IQANK1: variants seen among roughly 807,000 people sequenced by gnomAD.
IQANK1 encodes IQ motif and ankyrin repeat domain-containing protein 1.
Under a neutral mutation model 22.6 loss-of-function variants are expected in IQANK1, and 30 were observed. That is an observed-to-expected ratio of 1.33 (90% confidence interval 0.99 to 1.80). IQANK1 has a LOEUF of 1.80. Among genes scored for constraint, IQANK1 ranks in the 40% most tolerant of loss-of-function variants. IQANK1 has a pLI of 0.00. For missense variants in IQANK1, 275 were observed against 235.2 expected (o/e 1.17, Z -1.11); for synonymous variants, 122 against 99.6 (o/e 1.23, Z -1.34).
intron 3 of IQANK1, chr8:143,743,740 T>G: frequency 3.0e-6 from 1 of 329,570 alleles, no homozygotes; most frequent in Non-Finnish European, 6.0e-6. Flanking sequence ...AAAAAATGAT[T>G]TTGTTGTGTG....
intron 3 of IQANK1, among the ~76,000 whole-genome samples, chr8:143,741,199 G>A (rs1818904050): frequency 6.6e-6 from 1 of 152,174 alleles, no homozygotes; most frequent in Admixed American, 6.5e-5. Flanking sequence ...AGTTTGAGGT[G>A]GACTCCTAGC....
At chr8:143,745,240 T>A (rs1472445964) in intron 3 of IQANK1, 2 of 152,218 alleles carry the variant, frequency 1.3e-5, no homozygotes, top group East Asian at 3.8e-4. Flanking sequence ...TGGCAGAGCC[T>A]GACGTGTCTC....
At chr8:143,742,994 AC>A (rs1277752224) in intron 3 of IQANK1, 12 of 455,642 alleles carry the variant, frequency 2.6e-5, no homozygotes, top group Non-Finnish European at 4.0e-5. Flanking sequence ...TTTATCCCCC[AC>A]CCCCCAGAAC....
At chr8:143,743,746 G>A (rs1280081656) in intron 3 of IQANK1, 2 of 333,454 alleles carry the variant, frequency 6.0e-6, no homozygotes, top group Non-Finnish European at 1.2e-5. Context: ...TGATTTTGTT[G>A]TGTGAATAAT....
intron 3 of IQANK1, among the ~76,000 whole-genome samples, chr8:143,768,313 TAGG>T (rs1819514833): frequency 6.6e-6 from 1 of 152,066 alleles, no homozygotes; most frequent in African/African-American, 2.4e-5. Flanking sequence ...GATCACTTAG[TAGG>T]AGGGTTTCCG....
In IQANK1 at chr8:143,764,249, C is replaced by T. The variant is rs574969267; in HGVS notation, c.176-7239C>T. On this transcript the variant is annotated intron_variant, in intron 3 of 13. Transcript: ENST00000527139. Reference sequence around the variant, plus strand: ...CCTGACTCATACAACCTGTAAGCAACGCCCCCAAATCAAAGGAAAAAGCTG... The same window carrying T: ...CCTGACTCATACAACCTGTAAGCAATGCCCCCAAATCAAAGGAAAAAGCTG... Among the ~76,000 whole-genome samples, 143 of 152,184 alleles carry T rather than the reference C, an allele frequency of 9.4e-4. 1 individual carries two copies. The highest frequency in any genetic ancestry group is 3.2e-3 in the African/African-American group (131 of 41,532).
intron 7 of IQANK1, among the ~76,000 whole-genome samples, chr8:143,781,634 G>A (rs1819799678): frequency 6.6e-6 from 1 of 152,040 alleles, no homozygotes; most frequent in African/African-American, 2.4e-5. Flanking sequence ...GTGGTTGTAG[G>A]TATGCAACCT....
At chr8:143,754,768 G>C (rs1167085322) in intron 3 of IQANK1, among the ~76,000 whole-genome samples, 2 of 152,102 alleles carry the variant, frequency 1.3e-5, no homozygotes, top group African/African-American at 4.8e-5. Context: ...TGGGACTACA[G>C]GTGCCAACCA....
intron 2 of IQANK1, among the ~76,000 whole-genome samples, chr8:143,738,005 G>A (rs1039735261): frequency 1.2e-4 from 18 of 152,176 alleles, no homozygotes; most frequent in East Asian, 1.9e-4. Context: ...GGCCGGCACC[G>A]GTCTCGAGGC....
chr8:143,737,216 G>A (rs1563765653), intron 2 of IQANK1, among the ~76,000 whole-genome samples: 2 of 152,244 alleles, frequency 1.3e-5, no homozygotes, highest in Non-Finnish European at 2.9e-5. Context: ...GGGGGGCAGG[G>A]CAGGTGGACC....
chr8:143,748,754 T>C (rs1482219449), intron 3 of IQANK1, among the ~76,000 whole-genome samples: 2 of 112,196 alleles, frequency 1.8e-5, no homozygotes, highest in African/African-American at 7.7e-5. Context: ...ATATATATCA[T>C]ATAAATATAT....
rs564799640 is a variant in IQANK1 at position 143,745,301 on chromosome 8, C to G, written c.175+5353C>G. On this transcript the variant is annotated intron_variant, in intron 3 of 13. Coordinates refer to ENST00000527139, the MANE Select transcript of IQANK1 (RefSeq NM_001381874.1). ...ACCCTACTGACCTTGTCCAGAATCC[C>G]ACATCCCAGTTGATATCAGGGCAAT... 5 of 152,372 alleles carry G rather than the reference C, an allele frequency of 3.3e-5. No individual in the cohort carries two copies. In the South Asian group the frequency reaches 1.0e-3, roughly 32 times the overall value. 9.4% of individuals were successfully genotyped at this position (152,372 alleles called of 1,614,324 possible).
rs1820006784 is a variant in IQANK1 at position 143,790,249 on chromosome 8, C to T, written c.1402C>T (p.Leu468=). The change falls in exon 13 of 14, where the codon CTG becomes TTG. Residue 468 remains leucine, a synonymous_variant. Transcript: ENST00000527139. ...GCCCCTGAGGCCGGAGACGATGTGG[C>T]TGGCTCTGCTGGGGGCTCTGCGGTG... ...PEPLRPETMW[L]ALLGALRYGK... The T allele has an allele frequency of 8.1e-7, 1 of 1,232,162 alleles. No homozygotes were observed. Among genetic ancestry groups the T allele is most frequent in the Non-Finnish European group, 1.0e-6 (1 of 988,058 alleles). The allele number at this position is 1,232,162 out of a possible 1,614,324, so 76.3% of individuals were successfully genotyped here.
At chr8:143,768,083 A>G (rs1164997008) in intron 3 of IQANK1, among the ~76,000 whole-genome samples, 2 of 151,192 alleles carry the variant, frequency 1.3e-5, no homozygotes, top group African/African-American at 2.4e-5. Flanking sequence ...GGGTTTCACC[A>G]TGTCGGCCAG....
At chr8:143,766,005 C>CTGCT (rs1554629206) in intron 3 of IQANK1, among the ~76,000 whole-genome samples, 1 of 152,200 alleles carries the variant, frequency 6.6e-6, no homozygotes, top group Non-Finnish European at 1.5e-5. Context: ...GCCAAGCCGT[C>CTGCT]TGCTGACGTG....
In IQANK1 at chr8:143,771,389, T is replaced by TGGGGG. The variant is rs1554629727; in HGVS notation, c.176-99_176-98insGGGGG. 15 of 269,268 alleles carry TGGGGG rather than the reference T, an allele frequency of 5.6e-5. No individual in the cohort carries two copies. The African/African-American group carries it at 6.0e-4, about 11-fold the overall frequency. 16.7% of individuals were successfully genotyped at this position (269,268 alleles called of 1,614,324 possible). On this transcript the variant is annotated intron_variant, in intron 3 of 13. Coordinates refer to ENST00000527139, the MANE Select transcript of IQANK1 (RefSeq NM_001381874.1). This position sits in a 1 kb window ranked among gnomAD's most constrained non-coding sequence, Gnocchi z 6.0. The stretch of plus-strand genomic sequence containing the variant: ...TTTGAGAGCCGTTTGGGTCCTTCTG[T>TGGGGG]CGGGGCGGGGGCGGGGGCGGGGCCG...
intron 3 of IQANK1, chr8:143,742,804 C>T (rs1378343268): frequency 2.2e-6 from 1 of 455,982 alleles, no homozygotes; most frequent in African/African-American, 2.0e-5. Flanking sequence ...TCACCTTAGC[C>T]AGCAGCCCTG....
In IQANK1 at chr8:143,772,163, C is replaced by G; in HGVS notation, c.583C>G (p.Pro195Ala). The G allele has an allele frequency of 2.5e-6, 1 of 394,422 alleles. No individual in the cohort carries two copies. The highest frequency in any genetic ancestry group is 4.5e-6 in the Non-Finnish European group (1 of 223,322). The allele number at this position is 394,422 out of a possible 1,614,324, so 24.4% of individuals were successfully genotyped here. ...AECEDSYGNT[P>A]LSEAAAGGQP... ...GTGCGAGGACAGCTACGGGAACACG[C>G]CGCTGTCGGAGGCGGCCGCAGGCGG... Residue 195 changes from proline (P) to alanine (A), a missense_variant, in exon 6 of 14, where the codon CCG becomes GCG. Physicochemically the swap from Pro to Ala is conservative, Grantham distance 27. Coordinates refer to ENST00000527139, the MANE Select transcript of IQANK1 (RefSeq NM_001381874.1).
intron 3 of IQANK1, among the ~76,000 whole-genome samples, chr8:143,748,107 G>A (rs1245545052): frequency 1.3e-5 from 2 of 151,666 alleles, no homozygotes; most frequent in African/African-American, 4.8e-5. Flanking sequence ...CGATTCTCCT[G>A]TCTCAGCCTC....
Sources: gnomAD v4.1 joint callset for allele counts (sites outside exome capture counted in the v4.1 genomes callset) on GRCh38, gnomAD v4.1.1 for gene constraint, Gnocchi (gnomAD v3.1) non-coding constraint, MANE v1.5 for transcripts, NCBI Gene and HGNC (gene_info 2026-07-23, HGNC 2026-07-21) for gene names.